Variants in PKHD1 observed in about 807,000 individuals in gnomAD.
PKHD1 encodes PKHD1 ciliary IPT domain containing fibrocystin/polyductin.
In PKHD1, 291 loss-of-function variants were observed where a neutral mutation model predicts 412.0. The observed-to-expected ratio is 0.71, with a 90% CI of 0.64 to 0.78. The LOEUF is 0.78. PKHD1 is among the 30% of genes least tolerant of loss of function. The pLI is 0.00. For missense variants in PKHD1, 4,825 were observed against 4,950.7 expected (o/e 0.97, Z 0.76); for synonymous variants, 1,777 against 1,821.5 (o/e 0.98, Z 0.62).
intron 35 of PKHD1, among the ~76,000 whole-genome samples, chr6:51,995,106 A>G (rs150150636): frequency 6.6e-6 from 1 of 152,262 alleles, no homozygotes; most frequent in African/African-American, 2.4e-5. Flanking sequence ...TTTCACCTGC[A>G]GTCTTAAGAC....
rs1471849272 is a variant in PKHD1 at position 51,802,874 on chromosome 6, T to A, written c.8303-11501A>T. Among the ~76,000 whole-genome samples the A allele has an allele frequency of 3.3e-5, 5 of 151,032 alleles. 1 individual carries two copies. Among genetic ancestry groups the A allele is most frequent in the African/African-American group, 1.2e-4 (5 of 40,554 alleles). ...TTAATTTTCCTCGGTATTATTGACT[T>A]TTTTTCTTAAGTTCTCAATTGTTTC... On this transcript the variant is annotated intron_variant, in intron 52 of 66. Coordinates refer to ENST00000371117, the MANE Select transcript of PKHD1 (RefSeq NM_138694.4).
At chr6:52,052,990 T>C in intron 21 of PKHD1, 86 bp downstream of exon 21, 3 of 1,255,324 alleles carry the variant, frequency 2.4e-6, no homozygotes, top group Non-Finnish European at 2.3e-6. Context: ...TGTTCTCTCC[T>C]CATTAAAAAA....
At chr6:51,791,467 A>G in intron 52 of PKHD1, 94 bp from the exon 53 acceptor site, 4 of 1,153,552 alleles carry the variant, frequency 3.5e-6, no homozygotes, top group Non-Finnish European at 3.9e-6. Flanking sequence ...AGCTGTGTAC[A>G]GTGTTATCTA....
intron 29 of PKHD1, among the ~76,000 whole-genome samples, chr6:52,029,731 G>A (rs1409993033): frequency 2.6e-5 from 4 of 152,196 alleles, no homozygotes; most frequent in African/African-American, 9.7e-5. Context: ...ATTGGGTGAT[G>A]TTCTGGAAGG....
At chr6:51,722,550 A>G (rs578060708) in intron 60 of PKHD1, among the ~76,000 whole-genome samples, 16 of 152,214 alleles carry the variant, frequency 1.1e-4, no homozygotes, top group Non-Finnish European at 1.8e-4. Flanking sequence ...AAGTTATTGT[A>G]AAGACCTGAT....
chr6:51,796,625 T>C (rs981483303), intron 52 of PKHD1, among the ~76,000 whole-genome samples: 1 of 152,114 alleles, frequency 6.6e-6, no homozygotes, highest in Non-Finnish European at 1.5e-5. Context: ...CTTTTAGATG[T>C]GGGCATTTAG....
chr6:51,667,459 G>A (rs1307991116), intron 60 of PKHD1, among the ~76,000 whole-genome samples: 1 of 148,964 alleles, frequency 6.7e-6, no homozygotes, highest in African/African-American at 2.4e-5. Flanking sequence ...TTTGTCAGAT[G>A]AGTAGGTTGT....
chr6:51,873,129 T>C (rs931584338), intron 46 of PKHD1, among the ~76,000 whole-genome samples: 1 of 152,138 alleles, frequency 6.6e-6, no homozygotes, highest in Non-Finnish European at 1.5e-5. Context: ...AGTTACACGA[T>C]GATCCAGCAA....
chr6:52,053,935 C>T, intron 20 of PKHD1, 103 bp downstream of exon 20: 1 of 1,218,900 alleles, frequency 8.2e-7, no homozygotes, highest in Non-Finnish European at 1.2e-6. Flanking sequence ...TGTATGAGGC[C>T]CAAATATAAG....
chr6:51,987,472 G>A (rs973203452), intron 35 of PKHD1, among the ~76,000 whole-genome samples: 8 of 152,108 alleles, frequency 5.3e-5, no homozygotes, highest in Admixed American at 2.6e-4. Flanking sequence ...AAATGCAGAG[G>A]GAAAGTAACA....
At chr6:51,986,012 T>C (rs1405702314) in intron 35 of PKHD1, among the ~76,000 whole-genome samples, 1 of 152,218 alleles carries the variant, frequency 6.6e-6, no homozygotes, top group African/African-American at 2.4e-5. Context: ...TATTAACAAC[T>C]TATTTATAAT....
At chr6:51,831,039 C>T (rs1399935462) in intron 51 of PKHD1, 50 bp from the exon 52 acceptor site, 7 of 1,404,404 alleles carry the variant, frequency 5.0e-6, no homozygotes, top group Non-Finnish European at 6.0e-6. Context: ...TGATAACTTC[C>T]AAATTCTATC....
rs537194617 is a variant in PKHD1, at chr6:51,872,906, G to A, written c.7351-2267C>T. 2.0e-4 allele frequency among the ~76,000 whole-genome samples: 15 copies of A among 75,768 alleles called. No homozygotes were observed. The South Asian group carries it at 4.7e-3, about 24-fold the overall frequency. 49.7% of individuals were successfully genotyped at this position (75,768 alleles called of 152,430 possible). The stretch of plus-strand genomic sequence containing the variant: ...TTTTTTTTTTTTTTTTTTTCAGAAA[G>A]TTACCTTAGGGTATGTTCAAACAAA... On this transcript the variant is annotated intron_variant, in intron 46 of 66. Coordinates refer to ENST00000371117, the MANE Select transcript of PKHD1 (RefSeq NM_138694.4).
chr6:51,776,424 A>C (rs1209203091), intron 53 of PKHD1, among the ~76,000 whole-genome samples: 19 of 152,024 alleles, frequency 1.2e-4, no homozygotes, highest in Non-Finnish European at 7.4e-5. Flanking sequence ...AGCTGGAGCC[A>C]AGTTCAACTA....
At chr6:52,076,080 T>A (rs1409429534) in intron 6 of PKHD1, among the ~76,000 whole-genome samples, 196 bp downstream of exon 6, 1 of 152,144 alleles carries the variant, frequency 6.6e-6, no homozygotes, top group Non-Finnish European at 1.5e-5. Flanking sequence ...TTGTTATCAG[T>A]GAAGTAATAG....
At chr6:51,839,431 T>A (rs557923137) in intron 50 of PKHD1, among the ~76,000 whole-genome samples, 1 of 152,312 alleles carries the variant, frequency 6.6e-6, no homozygotes, top group Admixed American at 6.5e-5. Context: ...GGGCCAATTA[T>A]TGCCAACTTT....
intron 55 of PKHD1, among the ~76,000 whole-genome samples, chr6:51,766,755 G>A (rs1789113907): frequency 6.6e-6 from 1 of 151,544 alleles, no homozygotes; most frequent in Non-Finnish European, 1.5e-5. Flanking sequence ...GGGAGGGATA[G>A]CATTAGGAAA....
At chr6:52,075,595 A>ATC (rs1811227289) in intron 6 of PKHD1, among the ~76,000 whole-genome samples, 1 of 152,174 alleles carries the variant, frequency 6.6e-6, no homozygotes, top group South Asian at 2.1e-4. Flanking sequence ...GCTTTATATA[A>ATC]TCTTCTTTTC....
chr6:51,837,628 C>A (rs990272719), intron 50 of PKHD1, among the ~76,000 whole-genome samples: 1 of 152,108 alleles, frequency 6.6e-6, no homozygotes, highest in African/African-American at 2.4e-5. Context: ...ATTGCTTGAA[C>A]CCTGCAGTGT....
Sources: gnomAD v4.1 joint callset for allele counts (sites outside exome capture counted in the v4.1 genomes callset) on GRCh38, gnomAD v4.1.1 for gene constraint, MANE v1.5 for transcripts, NCBI Gene and HGNC (gene_info 2026-07-23, HGNC 2026-07-21) for gene names.